LY6G5B: variants seen among roughly 807,000 people sequenced by gnomAD.
The protein encoded by LY6G5B is lymphocyte antigen 6 family member G5B, also known as lymphocyte antigen 6 complex locus protein G5b.
Under a neutral mutation model 6.7 loss-of-function variants are expected in LY6G5B, and 6 were observed. That is an observed-to-expected ratio of 0.89 (90% confidence interval 0.49 to 1.76). The LOEUF (loss-of-function observed/expected upper bound fraction) is 1.76, where lower values mean the gene tolerates loss of function less well. Among genes scored for constraint, LY6G5B ranks in the 40% most tolerant of loss-of-function variants. The pLI is 0.01. For synonymous variants in LY6G5B, 98 were observed against 99.4 expected (o/e 0.99, Z 0.09); for missense variants, 240 against 249.5 (o/e 0.96, Z 0.26).
Position 31,671,854 on chromosome 6 carries a change from T to G in LY6G5B, c.188-10T>G, listed in dbSNP as rs772987207. 4 of 1,599,554 alleles carry G rather than the reference T, an allele frequency of 2.5e-6. No homozygotes were observed. The Admixed American group carries it at 6.7e-5, about 27-fold the overall frequency. ...TTGGAAGGGGTTATCAGCTTTCCCC[T>G]CTCCCTCAGATGTCAAGGTTCGCTT... On this transcript the variant is annotated splice_polypyrimidine_tract_variant and intron_variant, in intron 2 of 2. Coordinates refer to ENST00000375864, the Ensembl canonical transcript of LY6G5B.
upstream of LY6G5B, chr6:31,670,053 T>C (rs1802081077): frequency 2.5e-6 from 2 of 806,852 alleles, no homozygotes; most frequent in East Asian, 5.6e-5. Context: ...TGAAATAAAG[T>C]AGAAGAAAAG....
chr6:31,671,897 G>A (rs780069289), exon 3 of LY6G5B: 1 of 1,612,918 alleles, frequency 6.2e-7, no homozygotes, highest in Non-Finnish European at 8.5e-7. Flanking sequence ...CGAGGCTGTG[G>A]ACAGTACATT....
At chr6:31,672,337 T>C in exon 3 of LY6G5B, 1 of 1,533,996 alleles carries the variant, frequency 6.5e-7, no homozygotes, top group Non-Finnish European at 8.8e-7. Flanking sequence ...CACTGCCCTC[T>C]CTGAAAACAC....
chr6:31,670,900 G>A lies in LY6G5B; in HGVS notation c.-51G>A, dbSNP rs1477316790. On this transcript the variant is annotated 5_prime_UTR_variant, in exon 1 of 3. It introduces an in-frame stop codon into an upstream open reading frame of the 5' UTR. Coordinates refer to ENST00000375864, the Ensembl canonical transcript of LY6G5B. ...TTAAGGAGCATGGTCACAGGAAGGT[G>A]GGGTTTCAGGGCATCCCCTCAGGAA... 3 of 1,541,030 alleles carry A rather than the reference G, an allele frequency of 1.9e-6. No homozygotes were observed. The highest frequency in any genetic ancestry group is 1.8e-6 in the Non-Finnish European group (2 of 1,142,466).
exon 2 of LY6G5B, chr6:31,671,196 A>G (rs1802183775): frequency 6.2e-7 from 1 of 1,613,974 alleles, no homozygotes; most frequent in Non-Finnish European, 8.5e-7. Context: ...TCTGCCTCGT[A>G]GAAGACCCTT....
At chr6:31,671,122 C>G in intron 1 of LY6G5B, 34 bp from the exon 2 acceptor site, 1 of 1,613,534 alleles carries the variant, frequency 6.2e-7, no homozygotes. Context: ...TTGAGAGTGA[C>G]CCAGTGCCTC....
At chr6:31,671,173 C>T (rs760366039) in exon 2 of LY6G5B, 16 of 1,613,928 alleles carry the variant, frequency 9.9e-6, no homozygotes, top group East Asian at 2.2e-5. Context: ...TCCCGACATC[C>T]GGACGTGCCA....
At chr6:31,670,034 G>T (rs939847277), upstream of LY6G5B, 3 of 864,454 alleles carry the variant, frequency 3.5e-6, no homozygotes, top group Non-Finnish European at 5.2e-6. Flanking sequence ...CGTTATCGTG[G>T]TGGGAATATG....
exon 1 of LY6G5B, chr6:31,670,435 C>T (rs1802125149): frequency 5.8e-6 from 1 of 172,402 alleles, no homozygotes; most frequent in Non-Finnish European, 1.2e-5. Flanking sequence ...GGACAAGGTC[C>T]GGAATTGCTG....
rs1802146265 is a variant in LY6G5B, at chr6:31,670,715, C to G, written c.-236C>G. On this transcript the variant is annotated 5_prime_UTR_variant, in exon 1 of 3. Transcript: ENST00000375864. ...GTATTACCCCATCTGGGCCATTACT[C>G]CCACACTCAGGAACCAGACGTTGTG... 5 of 541,144 alleles carry G rather than the reference C, an allele frequency of 9.2e-6. No homozygotes were observed. In the South Asian group the frequency reaches 1.4e-4, roughly 16 times the overall value. The allele number at this position is 541,144 out of a possible 1,614,324, so 33.5% of individuals were successfully genotyped here.
At position 31,671,207 on chromosome 6, in the gene LY6G5B, C is replaced by G. The variant is rs148353539; in HGVS notation, c.110C>G (p.Ser37Cys). The G allele has an allele frequency of 4.6e-5, 74 of 1,613,984 alleles. No homozygotes were observed. In the African/African-American group the frequency reaches 9.5e-4, roughly 21 times the overall value. ...CACTTCTGCCTCGTAGAAGACCCTT[C>G]TGTAGGATGCATTTCAGGCTCAGAG... The change falls in exon 2 of 3, where the codon TCT becomes TGT. Residue 37 changes from serine (S) to cysteine (C), a missense_variant. Ser to Cys is a moderately radical substitution (Grantham distance 112). Transcript: ENST00000375864.
At chr6:31,670,154 C>G (rs1802094560), upstream of LY6G5B, 1 of 533,098 alleles carries the variant, frequency 1.9e-6, no homozygotes, top group African/African-American at 1.9e-5. Flanking sequence ...AGCCCACCCT[C>G]CCCAGATTGA....
intron 2 of LY6G5B, 47 bp downstream of exon 2, chr6:31,671,331 T>G (rs200073645): frequency 6.2e-7 from 1 of 1,610,810 alleles, no homozygotes; most frequent in East Asian, 2.2e-5. Context: ...AGCCAATGGC[T>G]TGGTCTTCTC....
chr6:31,673,083 T>C (rs1264233201), exon 3 of LY6G5B: 1 of 151,940 alleles, frequency 6.6e-6, no homozygotes, highest in African/African-American at 2.4e-5. Flanking sequence ...CTGGCCAACA[T>C]GGTAAAACCC....
In LY6G5B at chr6:31,671,883, C is replaced by T. The variant is rs763682224; in HGVS notation, c.207C>T (p.Ile69=). The T allele has an allele frequency of 1.4e-5, 22 of 1,606,866 alleles. No homozygotes were observed. In the Middle Eastern group the frequency reaches 5.0e-4, roughly 36 times the overall value. The change falls in exon 3 of 3, where the codon ATC becomes ATT. Residue 69 remains isoleucine, a synonymous_variant. Transcript: ENST00000375864. Reference sequence around the variant, plus strand: ...CCTCAGATGTCAAGGTTCGCTTCATCGTTCGAGGCTGTGGACAGTACATTT... The same window carrying T: ...CCTCAGATGTCAAGGTTCGCTTCATTGTTCGAGGCTGTGGACAGTACATTT...
At chr6:31,670,061 A>C, upstream of LY6G5B, 1 of 759,880 alleles carries the variant, frequency 1.3e-6, no homozygotes, top group East Asian at 2.8e-5. Flanking sequence ...AGTAGAAGAA[A>C]AGGCCATGAG....
upstream of LY6G5B, chr6:31,669,990 AC>A (rs1378210481): frequency 7.4e-7 from 1 of 1,360,422 alleles, no homozygotes; most frequent in Non-Finnish European, 1.0e-6. The surrounding 1 kb of genome is among the most constrained non-coding windows in gnomAD (Gnocchi z 4.8). Flanking sequence ...CCTTTCAGGA[AC>A]CCTGTATGGT....
Position 31,672,080 on chromosome 6 carries a change from G to A in LY6G5B, c.404G>A (p.Trp135Ter). ...CCTCTGTCTGACTCCCAGATTCAGT[G>A]GTTCTACCAGGCCCTGAACCTCTCC... is the stretch of plus-strand genomic sequence containing the variant. Residue 135 changes from tryptophan (W) to a stop codon, truncating the protein, a stop_gained, in exon 3 of 3, where the codon TGG (tryptophan) becomes TAG (stop). Transcript: ENST00000375864. LOFTEE classifies it low-confidence loss of function (END_TRUNC). 2 of 1,613,056 alleles carry A rather than the reference G, an allele frequency of 1.2e-6. No homozygotes were observed. The highest frequency in any genetic ancestry group is 1.1e-5 in the South Asian group (1 of 91,078).
In LY6G5B at chr6:31,671,177, C is replaced by T. The variant is rs753541196; in HGVS notation, c.80C>T (p.Thr27Met). The change falls in exon 2 of 3, where the codon ACG (threonine) becomes ATG (methionine). Residue 27 changes from threonine to methionine, a missense_variant. Coordinates refer to ENST00000375864, the Ensembl canonical transcript of LY6G5B. ...CCAGTTCCTGTTCCCGACATCCGGA[C>T]GTGCCACTTCTGCCTCGTAGAAGAC... 16 of 1,613,974 alleles carry T rather than the reference C, an allele frequency of 9.9e-6. No homozygotes were observed. The Admixed American group carries it at 1.0e-4, about 10-fold the overall frequency.
Sources: allele counts gnomAD v4.1 joint callset, GRCh38; gene constraint gnomAD v4.1.1; non-coding constraint Gnocchi (gnomAD v3.1); transcripts MANE v1.5; gene names NCBI Gene and HGNC (gene_info 2026-07-23, HGNC 2026-07-21).